The following ABCA10 variants were observed in gnomAD, a reference collection of about 807,000 sequenced individuals.
ABCA10 encodes ATP binding cassette subfamily A member 10.
In ABCA10, 169 loss-of-function variants were observed where a neutral mutation model predicts 187.5. The observed-to-expected ratio is 0.90, with a 90% CI of 0.80 to 1.02. ABCA10 has a LOEUF of 1.02. ABCA10 is among the 50% of genes least tolerant of loss of function. The pLI is 0.00. For missense variants in ABCA10, 1,727 were observed against 1,812.4 expected, an observed-to-expected ratio of 0.95 and a Z score of 0.86; for synonymous variants, 574 against 601.8, an observed-to-expected ratio of 0.95 and a Z score of 0.68.
At chr17:69,187,053 A>G (rs2074426701) in intron 19 of ABCA10, among the ~76,000 whole-genome samples, 1 of 152,148 alleles carries the variant, frequency 6.6e-6, no homozygotes, top group Non-Finnish European at 1.5e-5. Flanking sequence ...AAAGAAATCA[A>G]TGACTAGCAG....
At chr17:69,168,598 A>T (rs1485691447) in intron 25 of ABCA10, among the ~76,000 whole-genome samples, 1 of 152,226 alleles carries the variant, frequency 6.6e-6, no homozygotes, top group African/African-American at 2.4e-5. Flanking sequence ...TAGTTACTGT[A>T]GTTACAGGAA....
intron 9 of ABCA10, among the ~76,000 whole-genome samples, 188 bp downstream of exon 9, chr17:69,214,514 CAA>C (rs11347438): frequency 1.0e-3 from 138 of 136,532 alleles, no homozygotes; most frequent in Non-Finnish European, 1.1e-3. Context: ...GACTCCGTCT[CAA>C]AAAAAAAAAA....
chr17:69,219,451 AG>A, intron 6 of ABCA10, 93 bp downstream of exon 6: 2 of 877,430 alleles, frequency 2.3e-6, no homozygotes, highest in East Asian at 2.6e-5. Flanking sequence ...AATACGTGCA[AG>A]AAAACTTGTG....
intron 1 of ABCA10, among the ~76,000 whole-genome samples, chr17:69,237,377 A>C (rs1264967498): frequency 6.6e-6 from 1 of 152,232 alleles, no homozygotes; most frequent in Non-Finnish European, 1.5e-5. Context: ...CAGCTCTGGC[A>C]AAGATAGCAC....
At chr17:69,181,251 G>A (rs1381687603) in intron 22 of ABCA10, among the ~76,000 whole-genome samples, 15 of 152,062 alleles carry the variant, frequency 9.9e-5, no homozygotes, top group Admixed American at 9.8e-4. Flanking sequence ...ATAAAATTAA[G>A]GATTTAGGTT....
chr17:69,177,992 G>GTTATATATATATATATATATATGTT (rs2074349679), intron 22 of ABCA10, among the ~76,000 whole-genome samples: 1 of 117,512 alleles, frequency 8.5e-6, no homozygotes, highest in Non-Finnish European at 1.8e-5. Flanking sequence ...ATATATATAT[G>GTTATATATATATATATATATATGTT]TTATATATAT....
At chr17:69,154,115 G>T in intron 31 of ABCA10, 106 bp from the exon 32 acceptor site, 1 of 1,464,968 alleles carries the variant, frequency 6.8e-7, no homozygotes, top group Non-Finnish European at 9.2e-7. Context: ...TTTTGAATAC[G>T]CAAGAGAAAT....
chr17:69,181,390 G>A (rs959879996), intron 22 of ABCA10, among the ~76,000 whole-genome samples: 8 of 152,036 alleles, frequency 5.3e-5, no homozygotes, highest in Non-Finnish European at 1.2e-4. Context: ...ACAGTCCTAT[G>A]ATTTTTTTCT....
At chr17:69,150,506 T>A in intron 36 of ABCA10, 1 of 154,780 alleles carries the variant, frequency 6.5e-6, no homozygotes, top group East Asian at 1.9e-4. Context: ...TCAGACCCCC[T>A]TTCATGTTGC....
chr17:69,183,763 G>A (rs536558605), intron 20 of ABCA10, among the ~76,000 whole-genome samples: 26 of 152,240 alleles, frequency 1.7e-4, no homozygotes, highest in African/African-American at 6.0e-4. Flanking sequence ...CCTTGGGGAG[G>A]GCTGCCAGTG....
intron 13 of ABCA10, 40 bp from the exon 14 acceptor site, chr17:69,193,652 T>C: frequency 1.3e-6 from 2 of 1,564,102 alleles, no homozygotes; most frequent in South Asian, 1.2e-5. Context: ...TCAAATATTT[T>C]ACTTTAAGGA....
chr17:69,176,642 A>T (rs1356647385), intron 22 of ABCA10, among the ~76,000 whole-genome samples: 1 of 152,100 alleles, frequency 6.6e-6, no homozygotes, highest in Non-Finnish European at 1.5e-5. Context: ...CTGGGAAAGG[A>T]TATTACCCAT....
Position 69,222,573 on chromosome 17 carries a change from T to A in ABCA10, c.159A>T (p.Gly53=). The stretch of plus-strand genomic sequence containing the variant: ...GCTCCTTTATAACTGGGATTCTATA[T>A]CCCCAATTAAACTTCAGGCGATATG... ...TFSYRLKFNW[G]YRIPVIKEHS... is the part of the protein sequence containing the mutation. Residue 53 remains glycine, a synonymous_variant, in exon 4 of 39, where the codon GGA becomes GGT. Transcript: ENST00000690296. 1 of 1,594,930 alleles carries A rather than the reference T, an allele frequency of 6.3e-7. No individual in the cohort carries two copies. The highest frequency in any genetic ancestry group is 1.2e-5 in the South Asian group (1 of 86,552).
intron 24 of ABCA10, 96 bp downstream of exon 24, chr17:69,174,511 T>C (rs1448672334): frequency 2.1e-6 from 3 of 1,454,884 alleles, no homozygotes; most frequent in Non-Finnish European, 2.8e-6. Context: ...TTCTTGCATA[T>C]TACATGCCTT....
chr17:69,182,110 C>T (rs1214958373), intron 22 of ABCA10, 43 bp downstream of exon 22: 11 of 1,476,838 alleles, frequency 7.4e-6, no homozygotes. Flanking sequence ...TCCTTTATCC[C>T]TCTGCTGTGT....
chr17:69,183,973 G>T (rs1368139340), intron 20 of ABCA10, among the ~76,000 whole-genome samples: 2 of 152,088 alleles, frequency 1.3e-5, no homozygotes, highest in Non-Finnish European at 2.9e-5. Context: ...TTGTAGCATG[G>T]GGTGAGTTCT....
intron 22 of ABCA10, 42 bp downstream of exon 22, chr17:69,182,111 T>C: frequency 6.7e-7 from 1 of 1,483,030 alleles, no homozygotes; most frequent in Non-Finnish European, 9.0e-7. Flanking sequence ...CCTTTATCCC[T>C]CTGCTGTGTT....
At chr17:69,226,683 A>G (rs1339165939) in intron 2 of ABCA10, among the ~76,000 whole-genome samples, 1 of 151,978 alleles carries the variant, frequency 6.6e-6, no homozygotes, top group Non-Finnish European at 1.5e-5. Context: ...TTTTACTCAT[A>G]GATATTTTCC....
Position 69,225,237 on chromosome 17 carries a change from C to G in ABCA10, c.34+88G>C, listed in dbSNP as rs994534857. On this transcript the variant is annotated intron_variant, in intron 3 of 38. Coordinates refer to ENST00000690296, the MANE Select transcript of ABCA10 (RefSeq NM_001377321.1). ...TTGCCTCAGTTGAGAATCACTGACA[C>G]ACAGGCTAGGTAAGTAAATTCAACC... is the stretch of plus-strand genomic sequence containing the variant. The G allele has an allele frequency of 1.2e-5, 18 of 1,447,528 alleles. No individual in the cohort carries two copies. The African/African-American group carries it at 1.7e-4, about 14-fold the overall frequency. The allele number at this position is 1,447,528 out of a possible 1,614,324, so 89.7% of individuals were successfully genotyped here. A position where few individuals can be genotyped will look rare whatever the true frequency, so the allele number is the denominator to read the frequency against.
Sources: allele counts gnomAD v4.1 joint callset (sites outside exome capture counted in the v4.1 genomes callset), GRCh38; gene constraint gnomAD v4.1.1; transcripts MANE v1.5; gene names NCBI Gene and HGNC (gene_info 2026-07-23, HGNC 2026-07-21).